ITGB3: variants seen among roughly 807,000 people sequenced by gnomAD.
The protein encoded by ITGB3 is integrin beta-3.
In ITGB3, 48 loss-of-function variants were observed where a neutral mutation model predicts 85.8. That is an observed-to-expected ratio of 0.56 (90% CI 0.44 to 0.71). The LOEUF (loss-of-function observed/expected upper bound fraction) is 0.71, where lower values mean the gene tolerates loss of function less well. Among genes scored for constraint, ITGB3 ranks in the 30% least tolerant of loss-of-function variants. ITGB3 has a pLI of 0.00. For missense variants in ITGB3, 861 were observed against 1,019.1 expected (o/e 0.84, Z 2.11); for synonymous variants, 363 against 395.6 (o/e 0.92, Z 0.98).
intron 9 of ITGB3, 60 bp from the exon 10 acceptor site, chr17:47,292,079 C>T: frequency 6.3e-7 from 1 of 1,576,014 alleles, no homozygotes; most frequent in African/African-American, 1.3e-5. Context: ...TTTTTTCCTC[C>T]AGAGCTGGAG....
chr17:47,304,557 G>T (rs2065180052), intron 13 of ITGB3, among the ~76,000 whole-genome samples: 1 of 152,150 alleles, frequency 6.6e-6, no homozygotes, highest in Non-Finnish European at 1.5e-5. Context: ...TCATTTATCT[G>T]AAATTCAGAT....
intron 10 of ITGB3, among the ~76,000 whole-genome samples, chr17:47,293,987 T>C (rs1238429676): frequency 6.6e-6 from 1 of 152,236 alleles, no homozygotes; most frequent in Non-Finnish European, 1.5e-5. Flanking sequence ...AAAGCTCACT[T>C]AGAAAGGTCG....
chr17:47,291,616 T>G (rs926216212), intron 9 of ITGB3: 1 of 277,244 alleles, frequency 3.6e-6, no homozygotes, highest in African/African-American at 2.2e-5. Flanking sequence ...TCCTTTCTAT[T>G]GACCTATCTG....
chr17:47,292,969 T>A (rs2065133104), intron 10 of ITGB3, among the ~76,000 whole-genome samples: 1 of 152,250 alleles, frequency 6.6e-6, no homozygotes, highest in Non-Finnish European at 1.5e-5. Flanking sequence ...TCACTGTTAC[T>A]ACTATTGGTG....
rs1037550278 is a variant in ITGB3, at chr17:47,299,446, G to A, written c.1829G>A (p.Gly610Asp). The A allele has an allele frequency of 3.1e-6, 5 of 1,614,278 alleles. No homozygotes were observed. In the South Asian group the frequency reaches 4.4e-5, roughly 14 times the overall value. Residue 610 changes from glycine (G) to aspartate (D), a missense_variant, in exon 11 of 15, where the codon GGC becomes GAC. Coordinates refer to ENST00000559488, the MANE Select transcript of ITGB3 (RefSeq NM_000212.3). The surrounding 1 kb of genome is among the most constrained non-coding windows in gnomAD (Gnocchi z 5.1). ...LCSGRGKCECGSCVCIQPGSY... is the reference protein window; with the variant it reads ...LCSGRGKCECDSCVCIQPGSY... ...AGCGGCCGCGGCAAGTGTGAATGTG[G>A]CAGCTGTGTCTGTATCCAGCCGGGC...
At position 47,272,708 on chromosome 17, in the gene ITGB3, T is replaced by C. The variant is rs61318592; in HGVS notation, c.80-1711T>C. Among the ~76,000 whole-genome samples the C allele has an allele frequency of 8.6e-3, 1,240 of 144,666 alleles. 10 individuals are homozygous for C. Among genetic ancestry groups the C allele is most frequent in the African/African-American group, 0.03 (1,147 of 38,472 alleles). 94.9% of individuals were successfully genotyped at this position (144,666 alleles called of 152,430 possible). The stretch of plus-strand genomic sequence containing the variant: ...TTTTCTTTCTTTCTTTCCTTCTTTC[T>C]TTCTTTCTTTCTTTCTTTCGTTCTT... On this transcript the variant is annotated intron_variant, in intron 1 of 14. Transcript: ENST00000559488.
intron 1 of ITGB3, among the ~76,000 whole-genome samples, chr17:47,265,270 G>A (rs1385562317): frequency 6.6e-6 from 1 of 152,152 alleles, no homozygotes; most frequent in Non-Finnish European, 1.5e-5. Context: ...TGATGGAGAT[G>A]CAAATCCATT....
In ITGB3 at chr17:47,312,647, C is replaced by A. The variant is rs1405363934; in HGVS notation, c.*2443C>A. 6.6e-6 allele frequency among the ~76,000 whole-genome samples: 1 copy of A among 152,138 alleles called. No homozygotes were observed. Among genetic ancestry groups the A allele is most frequent in the Non-Finnish European group, 1.5e-5 (1 of 68,024 alleles). ...CAAAGGGGGAAGAAAATGTATTTAA[C>A]AGGTGAATCAAATCAGGAATCTTGT... On this transcript the variant is annotated 3_prime_UTR_variant, in exon 15 of 15. Transcript: ENST00000559488.
chr17:47,299,963 G>GCTTACCACTC lies in ITGB3; in HGVS notation c.1913+442_1913+443insCCTTACCACT, dbSNP rs553760375. ...CCTGAGTCCATGGCACTGCCATTCT[G>GCTTACCACTC]CTTACCACTTTAAGCAGGGCCAGAT... On this transcript the variant is annotated intron_variant, in intron 11 of 14. Coordinates refer to ENST00000559488, the MANE Select transcript of ITGB3 (RefSeq NM_000212.3). The surrounding 1 kb of genome is among the most constrained non-coding windows in gnomAD (Gnocchi z 5.1). 2.0e-3 allele frequency among the ~76,000 whole-genome samples: 305 copies of GCTTACCACTC among 152,318 alleles called. 1 individual carries two copies. Among genetic ancestry groups the GCTTACCACTC allele is most frequent in the Non-Finnish European group, 3.2e-3 (218 of 68,022 alleles).
Position 47,290,408 on chromosome 17 carries a change from C to T in ITGB3, c.1125+134C>T. 1.0e-5 allele frequency: 8 copies of T among 796,798 alleles called. 1 individual carries two copies. In the South Asian group the frequency reaches 1.1e-4, roughly 11 times the overall value. The allele number at this position is 796,798 out of a possible 1,614,324, so 49.4% of individuals were successfully genotyped here. On this transcript the variant is annotated intron_variant, in intron 8 of 14. Coordinates refer to ENST00000559488, the MANE Select transcript of ITGB3 (RefSeq NM_000212.3). ...CTGCCTTCTCCGTGTGCTCCCAGAG[C>T]CCAGGCAATGGCCCGCTCTAGAAGG...
chr17:47,254,746 A>G (rs1351253976), intron 1 of ITGB3, among the ~76,000 whole-genome samples: 2 of 152,162 alleles, frequency 1.3e-5, no homozygotes, highest in Non-Finnish European at 2.9e-5. Flanking sequence ...CTGGGGACAC[A>G]GGTGGAGGGA....
At chr17:47,277,120 T>C (rs1362411797) in intron 2 of ITGB3, among the ~76,000 whole-genome samples, 1 of 152,114 alleles carries the variant, frequency 6.6e-6, no homozygotes, top group Non-Finnish European at 1.5e-5. Flanking sequence ...GAGGGTTGGA[T>C]ACCGACGCGG....
intron 14 of ITGB3, among the ~76,000 whole-genome samples, 181 bp downstream of exon 14, chr17:47,307,818 G>A (rs1481106872): frequency 3.3e-5 from 5 of 152,124 alleles, no homozygotes; most frequent in Admixed American, 3.3e-4. Context: ...CAGCCTCTTA[G>A]AAATAGTGGC....
At position 47,313,471 on chromosome 17, in the gene ITGB3, C is replaced by T. The variant is rs916115937; in HGVS notation, c.*3267C>T. 1.3e-5 allele frequency among the ~76,000 whole-genome samples: 2 copies of T among 151,466 alleles called. No individual in the cohort carries two copies. The highest frequency in any genetic ancestry group is 2.9e-5 in the Non-Finnish European group (2 of 67,872). ...ACGCCATTCTCCTGCCTCAGCCTCC[C>T]GAGTAGCTGGGATTACAGGCACCTG... On this transcript the variant is annotated 3_prime_UTR_variant, in exon 15 of 15. Coordinates refer to ENST00000559488, the MANE Select transcript of ITGB3 (RefSeq NM_000212.3).
chr17:47,261,842 C>A (rs1247038224), intron 1 of ITGB3, among the ~76,000 whole-genome samples: 1 of 152,156 alleles, frequency 6.6e-6, no homozygotes, highest in African/African-American at 2.4e-5. Context: ...ATAATATACT[C>A]TAGGCATCTT....
chr17:47,292,770 T>G (rs1390273021), intron 10 of ITGB3, among the ~76,000 whole-genome samples: 1 of 152,234 alleles, frequency 6.6e-6, no homozygotes, highest in Non-Finnish European at 1.5e-5. Flanking sequence ...ATTAAATTTT[T>G]AGCATTTATA....
At chr17:47,301,140 T>C (rs556302030) in intron 12 of ITGB3, among the ~76,000 whole-genome samples, 8 of 151,938 alleles carry the variant, frequency 5.3e-5, no homozygotes, top group Non-Finnish European at 8.8e-5. Flanking sequence ...ATACAAACAA[T>C]AGGGAGAAAA....
chr17:47,298,286 T>C (rs112483043), intron 10 of ITGB3, among the ~76,000 whole-genome samples: 65 of 152,304 alleles, frequency 4.3e-4, no homozygotes, highest in African/African-American at 1.5e-3. Context: ...GGAAAATCTC[T>C]CTTTTTTTCA....
At chr17:47,300,711 AG>A (rs2065164406) in intron 12 of ITGB3, 133 bp downstream of exon 12, 1 of 722,602 alleles carries the variant, frequency 1.4e-6, no homozygotes, top group African/African-American at 1.7e-5. Context: ...TGCAGGCTTG[AG>A]GAACAATGGA....
Sources: allele counts gnomAD v4.1 joint callset (sites outside exome capture counted in the v4.1 genomes callset), GRCh38; gene constraint gnomAD v4.1.1; non-coding constraint Gnocchi (gnomAD v3.1); transcripts MANE v1.5; gene names NCBI Gene and HGNC (gene_info 2026-07-23, HGNC 2026-07-21).